The following RBFOX1 variants were observed in gnomAD, a reference collection of about 807,000 sequenced individuals.
RBFOX1 encodes the protein RNA binding protein fox-1 homolog 1.
A neutral mutation model predicts 57.7 loss-of-function variants in RBFOX1; 8 were observed. The observed-to-expected ratio is 0.14, with a 90% CI of 0.08 to 0.25. The LOEUF (loss-of-function observed/expected upper bound fraction) is 0.25, where lower values mean the gene tolerates loss of function less well. Among genes scored for constraint, RBFOX1 ranks in the 10% least tolerant of loss-of-function variants. The pLI is 1.00. For missense variants in RBFOX1, 611 were observed against 548.5 expected (o/e 1.11, Z -1.14); for synonymous variants, 326 against 222.4 (o/e 1.47, Z -4.15).
At chr16:7,171,405 G>T (rs2080675133) in intron 4 of RBFOX1, among the ~76,000 whole-genome samples, 2 of 152,166 alleles carry the variant, frequency 1.3e-5, no homozygotes, top group Admixed American at 1.3e-4. Flanking sequence ...CACCGCTAAT[G>T]TCACTTTATC....
chr16:6,845,073 G>T (rs1256037315), intron 3 of RBFOX1, among the ~76,000 whole-genome samples: 1 of 152,110 alleles, frequency 6.6e-6, no homozygotes, highest in African/African-American at 2.4e-5. Context: ...GTACACTCTG[G>T]ATATTAGACC....
At chr16:5,534,703 C>G (rs569745695) in intron 2 of RBFOX1, among the ~76,000 whole-genome samples, 1 of 152,200 alleles carries the variant, frequency 6.6e-6, no homozygotes, top group Non-Finnish European at 1.5e-5. Context: ...AGTCCACTGA[C>G]TCACGTGTTA....
intron 4 of RBFOX1, chr16:7,304,566 G>A (rs571323856): frequency 3.8e-5 from 37 of 985,190 alleles, no homozygotes; most frequent in Non-Finnish European, 1.4e-5. Context: ...GCTGCGCTTC[G>A]GTGCCTTATG....
intron 4 of RBFOX1, among the ~76,000 whole-genome samples, chr16:7,416,529 A>G (rs985104969): frequency 2.6e-5 from 4 of 152,112 alleles, no homozygotes; most frequent in African/African-American, 9.7e-5. Flanking sequence ...GATGGGGACA[A>G]TTGTAAACAG....
intron 3 of RBFOX1, among the ~76,000 whole-genome samples, chr16:6,890,109 G>C (rs1371173374): frequency 6.6e-6 from 1 of 152,142 alleles, no homozygotes; most frequent in Non-Finnish European, 1.5e-5. Context: ...TACAATAAAG[G>C]AAAATAAATA....
intron 4 of RBFOX1, among the ~76,000 whole-genome samples, chr16:7,264,527 C>G (rs1355944580): frequency 1.3e-5 from 2 of 152,194 alleles, no homozygotes; most frequent in African/African-American, 4.8e-5. Flanking sequence ...ACCACGTAGT[C>G]TCTGCCACAA....
At chr16:6,582,788 C>T (rs1468804712) in intron 2 of RBFOX1, among the ~76,000 whole-genome samples, 3 of 150,972 alleles carry the variant, frequency 2.0e-5, no homozygotes, top group South Asian at 4.2e-4. Flanking sequence ...TTTCCCTTCC[C>T]TCCCCTTTCC....
chr16:7,120,267 T>C (rs569789429), intron 4 of RBFOX1, among the ~76,000 whole-genome samples: 69 of 147,788 alleles, frequency 4.7e-4, no homozygotes, highest in Non-Finnish European at 9.3e-4. Context: ...TAAGTGCATA[T>C]CATAAGAGAC....
intron 4 of RBFOX1, among the ~76,000 whole-genome samples, chr16:6,009,711 G>A (rs1253970095): frequency 1.3e-5 from 2 of 151,912 alleles, no homozygotes; most frequent in Non-Finnish European, 2.9e-5. Context: ...CCACCTCCAA[G>A]CCTATCCACA....
chr16:5,749,625 A>T (rs534476962), intron 3 of RBFOX1, among the ~76,000 whole-genome samples: 2 of 152,152 alleles, frequency 1.3e-5, no homozygotes, highest in South Asian at 2.1e-4. Context: ...TTGATCTTCA[A>T]TCACTGATAC....
At chr16:6,929,782 C>T (rs185067406) in intron 3 of RBFOX1, among the ~76,000 whole-genome samples, 1 of 152,030 alleles carries the variant, frequency 6.6e-6, no homozygotes, top group East Asian at 1.9e-4. Flanking sequence ...TATCCTGTAG[C>T]TTTTTTTATT....
In RBFOX1 at chr16:6,914,541, C is replaced by T. The variant is rs117881083; in HGVS notation, c.-15-137516C>T. ...GAGAATCTCTCTGGACATCAGTTTT[C>T]AGCTCCAGAAGAAAACAAAAATAAA... On this transcript the variant is annotated intron_variant, in intron 3 of 15. Transcript: ENST00000550418. 3.0e-3 allele frequency among the ~76,000 whole-genome samples: 450 copies of T among 150,476 alleles called. 8 individuals carry two copies. The East Asian group carries it at 0.036, about 12-fold the overall frequency.
intron 4 of RBFOX1, among the ~76,000 whole-genome samples, chr16:7,456,286 C>G (rs1418680562): frequency 6.6e-6 from 1 of 152,196 alleles, no homozygotes; most frequent in Non-Finnish European, 1.5e-5. Context: ...TATACAAATA[C>G]AGAAGGTACC....
chr16:6,552,586 C>T (rs1304074720), intron 2 of RBFOX1, among the ~76,000 whole-genome samples: 1 of 152,122 alleles, frequency 6.6e-6, no homozygotes, highest in Admixed American at 6.5e-5. Flanking sequence ...AACAACAATA[C>T]TTGAGGAATT....
chr16:7,589,912 G>GTGTGTGTGTGTGT (rs2094347069), intron 7 of RBFOX1, among the ~76,000 whole-genome samples: 1 of 134,946 alleles, frequency 7.4e-6, no homozygotes, highest in Non-Finnish European at 1.6e-5. Context: ...GTGTGTGCTG[G>GTGTGTGTGTGTGT]GTGTGTGTGT....
intron 5 of RBFOX1, among the ~76,000 whole-genome samples, chr16:7,541,510 C>T (rs984335391): frequency 6.6e-6 from 1 of 151,682 alleles, no homozygotes; most frequent in East Asian, 1.9e-4. Context: ...ATTCAGTGTT[C>T]ACTGTCATTT....
At chr16:7,286,419 A>G (rs1364689593) in intron 4 of RBFOX1, among the ~76,000 whole-genome samples, 3 of 150,928 alleles carry the variant, frequency 2.0e-5, no homozygotes, top group Admixed American at 2.0e-4. Context: ...CAGAGTGGGA[A>G]TTTGGGTTTC....
intron 14 of RBFOX1, among the ~76,000 whole-genome samples, chr16:7,697,471 C>G (rs983146563): frequency 6.6e-6 from 1 of 152,016 alleles, no homozygotes; most frequent in Non-Finnish European, 1.5e-5. Flanking sequence ...TAGTAACTTA[C>G]TGTCATTTAT....
At chr16:6,502,795 A>G (rs1180640756) in intron 2 of RBFOX1, among the ~76,000 whole-genome samples, 2 of 152,098 alleles carry the variant, frequency 1.3e-5, no homozygotes, top group Non-Finnish European at 1.5e-5. Flanking sequence ...ACATGGATGT[A>G]AGATACTTCT....
Sources: gnomAD v4.1 joint callset for allele counts (sites outside exome capture counted in the v4.1 genomes callset) on GRCh38, gnomAD v4.1.1 for gene constraint, MANE v1.5 for transcripts, NCBI Gene and HGNC (gene_info 2026-07-23, HGNC 2026-07-21) for gene names.